Variants in CA10 observed in about 807,000 individuals in gnomAD.
CA10 encodes the protein carbonic anhydrase-related protein 10.
A neutral mutation model predicts 44.2 loss-of-function variants in CA10; 14 were observed. The ratio of observed to expected loss-of-function variants is 0.32; its 90% CI spans 0.21 to 0.50. CA10 has a LOEUF of 0.50. CA10 is among the 20% of genes least tolerant of loss of function. CA10 has a pLI of 0.99. For synonymous variants in CA10, 159 were observed against 141.6 expected (o/e 1.12, Z -0.87); for missense variants, 350 against 409.7 (o/e 0.85, Z 1.26).
intron 3 of CA10, among the ~76,000 whole-genome samples, chr17:51,832,855 C>T (rs1908333325): frequency 6.6e-6 from 1 of 152,096 alleles, no homozygotes; most frequent in African/African-American, 2.4e-5. Context: ...AATGAGTGGC[C>T]TTGGGGAGAA....
chr17:51,711,405 A>G (rs1317329223), intron 4 of CA10, among the ~76,000 whole-genome samples: 3 of 152,230 alleles, frequency 2.0e-5, no homozygotes, highest in Non-Finnish European at 2.9e-5. Context: ...GCAAAGACAG[A>G]TCTTTCCTGC....
At chr17:51,927,070 T>C (rs1982463002) in intron 3 of CA10, among the ~76,000 whole-genome samples, 1 of 152,190 alleles carries the variant, frequency 6.6e-6, no homozygotes, top group African/African-American at 2.4e-5. Flanking sequence ...TTTTAGATCC[T>C]ACCTTCTATA....
At chr17:51,695,378 C>A (rs969628030) in intron 4 of CA10, among the ~76,000 whole-genome samples, 3 of 151,936 alleles carry the variant, frequency 2.0e-5, no homozygotes, top group African/African-American at 7.2e-5. Flanking sequence ...TTGTAGAGAT[C>A]TTTCTCCTCT....
intron 2 of CA10, among the ~76,000 whole-genome samples, chr17:52,016,944 C>G (rs746080608): frequency 1.6e-4 from 25 of 152,002 alleles, no homozygotes; most frequent in Middle Eastern, 3.4e-3. Flanking sequence ...ATAAAATAAC[C>G]TGGCACTTTC....
intron 4 of CA10, among the ~76,000 whole-genome samples, chr17:51,717,935 T>C (rs1273266284): frequency 7.3e-6 from 1 of 137,478 alleles, no homozygotes; most frequent in Non-Finnish European, 1.5e-5. Flanking sequence ...TTGGATGAGA[T>C]TGGAGACTAT....
chr17:51,988,843 ATTAAC>A (rs1183815868), intron 2 of CA10, among the ~76,000 whole-genome samples: 1 of 152,078 alleles, frequency 6.6e-6, no homozygotes, highest in Non-Finnish European at 1.5e-5. Flanking sequence ...TTAATATTTT[ATTAAC>A]TTAGTATATC....
chr17:51,776,414 A>C lies in CA10; in HGVS notation c.280-28596T>G, dbSNP rs114537861. ...TAAAAAATAAAATTTTATAGTAGCC[A>C]CATTAACAAAAGAATAAAACAGGTA... On this transcript the variant is annotated intron_variant, in intron 3 of 8. Coordinates refer to ENST00000451037, the MANE Select transcript of CA10 (RefSeq NM_020178.5). 9.0e-3 allele frequency among the ~76,000 whole-genome samples: 1,365 copies of C among 152,292 alleles called. 26 individuals carry two copies. The highest frequency in any genetic ancestry group is 0.032 in the African/African-American group (1,317 of 41,564).
chr17:52,039,217 T>C (rs1986701260), intron 2 of CA10, among the ~76,000 whole-genome samples: 1 of 152,088 alleles, frequency 6.6e-6, no homozygotes. Context: ...TCTCTCTGAG[T>C]ATTATTATTG....
At chr17:51,699,047 G>A (rs1915496049) in intron 4 of CA10, among the ~76,000 whole-genome samples, 1 of 152,218 alleles carries the variant, frequency 6.6e-6, no homozygotes, top group South Asian at 2.1e-4. Flanking sequence ...TGGGCCGAGT[G>A]TGGTGACTCA....
At chr17:51,990,225 C>G (rs1984991814) in intron 2 of CA10, among the ~76,000 whole-genome samples, 1 of 152,048 alleles carries the variant, frequency 6.6e-6, no homozygotes, top group African/African-American at 2.4e-5. Flanking sequence ...CTAGGACTGC[C>G]CTTCCAGGTC....
intron 3 of CA10, among the ~76,000 whole-genome samples, chr17:51,769,842 G>T (rs1905531836): frequency 6.6e-6 from 1 of 152,178 alleles, no homozygotes; most frequent in African/African-American, 2.4e-5. Flanking sequence ...GATGATGGGA[G>T]GGCAGCCGCA....
chr17:52,012,350 A>T (rs203002), intron 2 of CA10, among the ~76,000 whole-genome samples: 77,719 of 151,758 alleles, frequency 0.51, 20,642 homozygotes, highest in African/African-American at 0.62. Context: ...GGAGAATCAA[A>T]GAATGAATAT....
chr17:51,919,766 C>T (rs1567885422), intron 3 of CA10, among the ~76,000 whole-genome samples: 1 of 152,194 alleles, frequency 6.6e-6, no homozygotes, highest in Non-Finnish European at 1.5e-5. Flanking sequence ...ATTCTCCTGC[C>T]TCAGCCTCCC....
chr17:52,018,917 A>C lies in CA10; in HGVS notation c.136+53402T>G, dbSNP rs543754123. Among the ~76,000 whole-genome samples the C allele has an allele frequency of 3.3e-5, 5 of 152,174 alleles. No individual in the cohort carries two copies. In the East Asian group the frequency reaches 9.7e-4, roughly 30 times the overall value. ...ATGGCTTGGTGCTGTCCCCATGATA[A>C]TGAGTGAGTTCTCACTCTATGAGTT... On this transcript the variant is annotated intron_variant, in intron 2 of 8. Transcript: ENST00000451037.
intron 4 of CA10, among the ~76,000 whole-genome samples, chr17:51,722,498 G>A (rs930684049): frequency 6.6e-6 from 1 of 152,190 alleles, no homozygotes; most frequent in African/African-American, 2.4e-5. Flanking sequence ...TTGAAGAAAT[G>A]AGAAAGAGGG....
At chr17:51,847,187 T>C (rs1978533420) in intron 3 of CA10, among the ~76,000 whole-genome samples, 1 of 152,196 alleles carries the variant, frequency 6.6e-6, no homozygotes, top group South Asian at 2.1e-4. Flanking sequence ...CCTTAATCTG[T>C]GGTTCCAAAT....
At chr17:51,758,190 T>C (rs1198521528) in intron 3 of CA10, among the ~76,000 whole-genome samples, 1 of 152,222 alleles carries the variant, frequency 6.6e-6, no homozygotes, top group Admixed American at 6.5e-5. Context: ...TTTTGGCATC[T>C]ACACTGAAAA....
intron 4 of CA10, among the ~76,000 whole-genome samples, chr17:51,729,370 T>G (rs564202879): frequency 6.6e-6 from 1 of 151,706 alleles, no homozygotes; most frequent in East Asian, 1.9e-4. Context: ...CACACACACA[T>G]GCACACACAC....
intron 3 of CA10, among the ~76,000 whole-genome samples, chr17:51,907,317 G>A (rs1399073460): frequency 6.6e-6 from 1 of 151,992 alleles, no homozygotes; most frequent in East Asian, 1.9e-4. Context: ...TGGCTCAAAT[G>A]TTGGCCATTT....
Sources: gnomAD v4.1 joint callset for allele counts (sites outside exome capture counted in the v4.1 genomes callset) on GRCh38, gnomAD v4.1.1 for gene constraint, MANE v1.5 for transcripts, NCBI Gene and HGNC (gene_info 2026-07-23, HGNC 2026-07-21) for gene names.